Variants in TUBB3 observed in about 807,000 individuals in gnomAD.
TUBB3 encodes tubulin beta-3 chain.
In TUBB3, 17 loss-of-function variants were observed where a neutral mutation model predicts 37.8. The ratio of observed to expected loss-of-function variants is 0.45; its 90% CI spans 0.31 to 0.67. TUBB3 has a LOEUF of 0.67. Ranked by LOEUF, TUBB3 falls within the 30% of genes least tolerant of loss-of-function variation. The pLI is 0.07. For synonymous variants in TUBB3, 332 were observed against 278.9 expected (o/e 1.19, Z -1.90); for missense variants, 262 against 657.9 (o/e 0.40, Z 6.58).
Position 89,923,382 on chromosome 16 carries a change from GC to G in TUBB3, c.-17del. ...GGCCCGCCCGCGCCCGTCCGCAGCC[GC>G]CCGCCAGACGCGCCCAGTATGAGGG... is the stretch of plus-strand genomic sequence containing the variant. On this transcript the variant is annotated 5_prime_UTR_variant, in exon 1 of 4. Coordinates refer to ENST00000315491, the MANE Select transcript of TUBB3 (RefSeq NM_006086.4). 6.8e-7 allele frequency: 1 copy of G among 1,462,404 alleles called. No homozygotes were observed. The allele number at this position is 1,462,404 out of a possible 1,614,324, so 90.6% of individuals were successfully genotyped here.
intron 1 of TUBB3, among the ~76,000 whole-genome samples, chr16:89,926,862 C>T (rs1238292837): frequency 1.3e-5 from 2 of 152,152 alleles, no homozygotes; most frequent in Non-Finnish European, 1.5e-5. Flanking sequence ...GGATTACAGG[C>T]GCCCGCCACC....
intron 1 of TUBB3, among the ~76,000 whole-genome samples, chr16:89,926,207 G>A (rs1446494390): frequency 6.6e-6 from 1 of 152,162 alleles, no homozygotes; most frequent in Non-Finnish European, 1.5e-5. Context: ...CGGCGGAGGG[G>A]GGAGCCTTTG....
chr16:89,922,423 C>T (rs948636729), upstream of TUBB3, among the ~76,000 whole-genome samples: 5 of 152,236 alleles, frequency 3.3e-5, no homozygotes, highest in South Asian at 2.1e-4. Context: ...AGGTCAGTGC[C>T]GTGCCGGCGA....
chr16:89,922,980 A>T (rs1316786960), upstream of TUBB3, among the ~76,000 whole-genome samples: 5 of 152,328 alleles, frequency 3.3e-5, no homozygotes, highest in African/African-American at 1.2e-4. Context: ...CTCCGTACAA[A>T]GCCGCAGGGT....
At chr16:89,933,055 T>A (rs897950941) in intron 2 of TUBB3, 2 of 464,426 alleles carry the variant, frequency 4.3e-6, no homozygotes, top group Non-Finnish European at 8.0e-6. Flanking sequence ...CATATCAAAG[T>A]GGTGATACAC....
chr16:89,928,838 A>G (rs2030180615), intron 1 of TUBB3, among the ~76,000 whole-genome samples: 2 of 149,730 alleles, frequency 1.3e-5, no homozygotes. Flanking sequence ...TAATTTTTGT[A>G]TTTTTAGTAG....
rs752819402 is a variant in TUBB3 at position 89,934,904 on chromosome 16, C to T, written c.453C>T (p.Leu151=). 5 of 1,614,006 alleles carry T rather than the reference C, an allele frequency of 3.1e-6. No individual in the cohort carries two copies. In the South Asian group the frequency reaches 4.4e-5, roughly 14 times the overall value. Residue 151 remains leucine (L), a synonymous_variant, in exon 4 of 4, where the codon CTC becomes CTT. Coordinates refer to ENST00000315491, the MANE Select transcript of TUBB3 (RefSeq NM_006086.4). ...CGGGCTCCGGCATGGGCACGTTGCT[C>T]ATCAGCAAGGTGCGTGAGGAGTATC... ...GGTGSGMGTL[L]ISKVREEYPD...
chr16:89,935,249 C>T lies in TUBB3; in HGVS notation c.798C>T (p.Phe266=), dbSNP rs2030415109. 6 of 1,613,782 alleles carry T rather than the reference C, an allele frequency of 3.7e-6. No individual in the cohort carries two copies. The highest frequency in any genetic ancestry group is 1.1e-5 in the South Asian group (1 of 91,084). ...NMVPFPRLHF[F]MPGFAPLTAR... ...TGCCCTTCCCGCGCCTGCACTTCTTCATGCCCGGCTTCGCCCCCCTCACAG... is the reference window on the plus strand; with the variant it reads ...TGCCCTTCCCGCGCCTGCACTTCTTTATGCCCGGCTTCGCCCCCCTCACAG... Residue 266 remains phenylalanine, a synonymous_variant, in exon 4 of 4, where the codon TTC becomes TTT. Transcript: ENST00000315491.
chr16:89,924,274 T>C (rs1597418511), intron 1 of TUBB3, among the ~76,000 whole-genome samples: 1 of 152,146 alleles, frequency 6.6e-6, no homozygotes, highest in East Asian at 1.9e-4. Flanking sequence ...CCTAAATCAT[T>C]AAGGGGACGT....
chr16:89,925,191 G>C (rs4550447), intron 1 of TUBB3, among the ~76,000 whole-genome samples: 16,751 of 152,228 alleles, frequency 0.11, 993 homozygotes, highest in Middle Eastern at 0.13. Flanking sequence ...CCGTGTCCTT[G>C]GCTGCCTTGT....
intron 2 of TUBB3, chr16:89,933,127 T>TA: frequency 3.4e-6 from 2 of 579,790 alleles, no homozygotes; most frequent in South Asian, 3.2e-5. Flanking sequence ...ACAGTCTCGA[T>TA]ATGTTGCCCA....
intron 1 of TUBB3, among the ~76,000 whole-genome samples, chr16:89,929,301 A>T (rs972586788): frequency 6.6e-6 from 1 of 152,194 alleles, no homozygotes; most frequent in Non-Finnish European, 1.5e-5. Context: ...ACGCAAAAAG[A>T]ATAAAACTTA....
At chr16:89,936,091 TACCCTTGCTTG>T (rs1304643131) in exon 4 of TUBB3, 3 of 515,854 alleles carry the variant, frequency 5.8e-6, no homozygotes, top group African/African-American at 5.8e-5. Context: ...TGCTGTCAGA[TACCCTTGCTTG>T]GTGCCAGAGA....
intron 1 of TUBB3, 70 bp from the exon 2 acceptor site, chr16:89,932,501 T>A: frequency 7.4e-7 from 1 of 1,355,008 alleles, no homozygotes; most frequent in South Asian, 1.2e-5. Flanking sequence ...GCTAAAAGGC[T>A]TCACAAGGGA....
Position 89,935,839 on chromosome 16 carries a change from G to A in TUBB3, c.*35G>A, listed in dbSNP as rs749805857. On this transcript the variant is annotated 3_prime_UTR_variant, in exon 4 of 4. Transcript: ENST00000315491. ...CAGCTGGAGTGAGAGGCAGGTGGCG[G>A]CCGGGGCCGAAGCCAGCAGTGTCTA... 6 of 1,595,388 alleles carry A rather than the reference G, an allele frequency of 3.8e-6. No homozygotes were observed. Among genetic ancestry groups the A allele is most frequent in the South Asian group, 1.1e-5 (1 of 89,642 alleles).
chr16:89,932,658 G>A lies in TUBB3; in HGVS notation c.145G>A (p.Val49Ile), dbSNP rs1398545228. Reference sequence around the variant, plus strand: ...GGACTTGCAGCTGGAGCGGATCAGCGTCTACTACAACGAGGCCTCTTGTGA... The same window carrying A: ...GGACTTGCAGCTGGAGCGGATCAGCATCTACTACAACGAGGCCTCTTGTGA... The part of the protein sequence containing the change: ...DSDLQLERIS[V>I]YYNEASSHKY... The change falls in exon 2 of 4, where the codon GTC becomes ATC. Residue 49 changes from valine to isoleucine, a missense_variant. By Grantham distance (29) the Val-to-Ile change is conservative. Around this residue, in one of 3 missense-constraint regions of TUBB3, gnomAD observed 58 missense variants for 74.2 expected, o/e 0.78. Transcript: ENST00000315491. The A allele has an allele frequency of 4.3e-6, 7 of 1,614,068 alleles. No homozygotes were observed. Among genetic ancestry groups the A allele is most frequent in the Admixed American group, 1.7e-5 (1 of 60,026 alleles).
chr16:89,929,560 G>A (rs554221215), intron 1 of TUBB3, among the ~76,000 whole-genome samples: 38 of 152,208 alleles, frequency 2.5e-4, no homozygotes, highest in African/African-American at 7.9e-4. Flanking sequence ...AAAAGCTACC[G>A]TGTGCACGTG....
intron 1 of TUBB3, among the ~76,000 whole-genome samples, chr16:89,925,475 AG>A (rs1289429139): frequency 6.6e-6 from 1 of 150,864 alleles, no homozygotes; most frequent in Admixed American, 6.6e-5. Flanking sequence ...CCGCGCCTGT[AG>A]TCCCAGCTAC....
rs555051595 is a variant in TUBB3 at position 89,935,495 on chromosome 16, C to T, written c.1044C>T (p.Asn348=). ...SSYFVEWIPN[N]VKVAVCDIPP... ...ACTTCGTGGAGTGGATCCCCAACAACGTGAAGGTGGCCGTGTGTGACATCC... is the reference window on the plus strand; with the variant it reads ...ACTTCGTGGAGTGGATCCCCAACAATGTGAAGGTGGCCGTGTGTGACATCC... The change falls in exon 4 of 4, where the codon AAC becomes AAT. Residue 348 remains asparagine, a synonymous_variant. Transcript: ENST00000315491. 8.1e-5 allele frequency: 131 copies of T among 1,614,102 alleles called. No individual in the cohort carries two copies. Among genetic ancestry groups the T allele is most frequent in the South Asian group, 2.4e-4 (22 of 91,096 alleles).
Sources: allele counts gnomAD v4.1 joint callset (sites outside exome capture counted in the v4.1 genomes callset), GRCh38; gene constraint gnomAD v4.1.1; regional missense constraint gnomAD v4.1.1; transcripts MANE v1.5; gene names NCBI Gene and HGNC (gene_info 2026-07-23, HGNC 2026-07-21).